The following SRSF7 variants were observed in gnomAD, a reference collection of about 807,000 sequenced individuals.
The protein encoded by SRSF7 is serine/arginine-rich splicing factor 7.
A neutral mutation model predicts 42.2 loss-of-function variants in SRSF7; 15 were observed. The observed-to-expected ratio is 0.36, with a 90% CI of 0.24 to 0.55. SRSF7 has a LOEUF of 0.55. SRSF7 is among the 20% of genes least tolerant of loss of function. The pLI is 0.88. For missense variants in SRSF7, 181 were observed against 305.9 expected (o/e 0.59, Z 3.04); for synonymous variants, 138 against 107.9 (o/e 1.28, Z -1.73).
intron 3 of SRSF7, chr2:38,749,158 T>C: frequency 7.6e-7 from 1 of 1,321,192 alleles, no homozygotes; most frequent in Non-Finnish European, 1.0e-6. Context: ...GCGATCACCG[T>C]CTCAAATTTT....
At chr2:38,751,394 G>T, upstream of SRSF7, 2 of 1,162,936 alleles carry the variant, frequency 1.7e-6, no homozygotes, top group Non-Finnish European at 2.5e-6. Context: ...TTATATATGC[G>T]GCCGCTGCGC....
In SRSF7 at chr2:38,751,288, A is replaced by C; in HGVS notation, c.-32T>G. The C allele has an allele frequency of 6.2e-7, 1 of 1,613,922 alleles. No homozygotes were observed. The highest frequency in any genetic ancestry group is 1.6e-4 in the Middle Eastern group (1 of 6,062). ...AGACCCGCGTGCTCGGCTCTTTAGC[A>C]AGCAGCGCCCAGGGCTCGAGTGACG... On this transcript the variant is annotated 5_prime_UTR_variant, in exon 1 of 8. Coordinates refer to ENST00000313117, the MANE Select transcript of SRSF7 (RefSeq NM_001031684.3).
Position 38,749,534 on chromosome 2 carries a change from T to G in SRSF7, c.381A>C (p.Arg127Ser). Residue 127 changes from arginine to serine, a missense_variant, in exon 3 of 8, where the codon AGA becomes AGC. Physicochemically the swap from Arg to Ser is moderately radical, Grantham distance 110 (BLOSUM62 -1). This residue lies in a region of SRSF7 where 136 missense variants were observed against 147.8 expected (regional missense o/e 0.92). Transcript: ENST00000313117. ...YDCHRYSRRR[R>S]SRSRSRSHSR... ...TCCTTTATTAAAATAAATACCTGCT[T>G]CTTCTTCGCCGGCTGTAACGATGAC... 7.0e-6 allele frequency: 11 copies of G among 1,565,598 alleles called. No homozygotes were observed. Among genetic ancestry groups the G allele is most frequent in the Non-Finnish European group, 9.5e-6 (11 of 1,158,946 alleles).
At chr2:38,747,464 G>A (rs974577271) in intron 5 of SRSF7, among the ~76,000 whole-genome samples, 1 of 152,000 alleles carries the variant, frequency 6.6e-6, no homozygotes, top group Non-Finnish European at 1.5e-5. Flanking sequence ...TTAATTACAT[G>A]TTGCAATACT....
At chr2:38,750,923 CG>C (rs889700665) in intron 1 of SRSF7, 332 of 362,220 alleles carry the variant, frequency 9.2e-4, no homozygotes, top group Middle Eastern at 3.4e-3. Context: ...CCGCCGAGGG[CG>C]GGGGGGGAGG....
At chr2:38,746,955 A>T in intron 5 of SRSF7, 1 of 789,348 alleles carries the variant, frequency 1.3e-6, no homozygotes, top group Non-Finnish European at 2.1e-6. Context: ...CTATCACTCA[A>T]TTGGTTAGTT....
chr2:38,748,362 TGC>T (rs1409777266), intron 4 of SRSF7, among the ~76,000 whole-genome samples: 2 of 152,052 alleles, frequency 1.3e-5, no homozygotes, highest in Non-Finnish European at 1.5e-5. Flanking sequence ...ATGGTGGCAG[TGC>T]CTACAGTCCC....
intron 3 of SRSF7, 193 bp downstream of exon 3, chr2:38,749,336 A>C (rs1468821204): frequency 6.5e-7 from 1 of 1,527,178 alleles, no homozygotes; most frequent in Non-Finnish European, 8.8e-7. Flanking sequence ...GACTGACTCA[A>C]ACGAAGAAAC....
At chr2:38,748,300 A>C in intron 4 of SRSF7, 143 bp from the exon 5 acceptor site, 1 of 694,662 alleles carries the variant, frequency 1.4e-6, no homozygotes, top group South Asian at 1.9e-5. Flanking sequence ...GCTTGAGACC[A>C]GCCTGGGAAA....
intron 4 of SRSF7, 97 bp from the exon 5 acceptor site, chr2:38,748,254 A>G: frequency 1.1e-6 from 1 of 885,890 alleles, no homozygotes; most frequent in South Asian, 1.6e-5. Flanking sequence ...CATGCCCATA[A>G]TCCCAGCACT....
intron 7 of SRSF7, 131 bp from the exon 8 acceptor site, chr2:38,745,318 A>T: frequency 1.1e-6 from 1 of 904,500 alleles, no homozygotes; most frequent in Non-Finnish European, 1.7e-6. Context: ...TAAAAATGAC[A>T]TGAAACTTAC....
At chr2:38,746,646 A>C in intron 6 of SRSF7, 48 bp downstream of exon 6, 1 of 1,605,324 alleles carries the variant, frequency 6.2e-7, no homozygotes. Flanking sequence ...AACTCTTTGG[A>C]TATTGGTGCC....
Position 38,744,032 on chromosome 2 carries a change from CATTCTAA to C in SRSF7, c.*1094_*1100del. 1.3e-5 allele frequency: 2 copies of C among 152,106 alleles called. No individual in the cohort carries two copies. The highest frequency in any genetic ancestry group is 4.8e-5 in the African/African-American group (2 of 41,394). 9.4% of individuals were successfully genotyped at this position (152,106 alleles called of 1,614,324 possible). ...AATAAAGAACCTACTGGCTATGTAA[CATTCTAA>C]GGTCTACCAGATGCTACCAAAAAAT... On this transcript the variant is annotated 3_prime_UTR_variant, in exon 8 of 8. Coordinates refer to ENST00000313117, the MANE Select transcript of SRSF7 (RefSeq NM_001031684.3).
At chr2:38,749,972 A>G (rs1668038329) in intron 2 of SRSF7, 42 bp downstream of exon 2, 1 of 1,558,430 alleles carries the variant, frequency 6.4e-7, no homozygotes, top group African/African-American at 1.4e-5. Context: ...ATCTAGCCAC[A>G]GTATATTTTA....
chr2:38,749,872 A>C (rs1420111104), intron 2 of SRSF7, 142 bp downstream of exon 2: 5 of 1,240,404 alleles, frequency 4.0e-6, no homozygotes, highest in African/African-American at 3.1e-5. Flanking sequence ...ATCTTCTTTA[A>C]CCTTCGTGTG....
At chr2:38,750,918 G>A in intron 1 of SRSF7, 1 of 380,910 alleles carries the variant, frequency 2.6e-6, no homozygotes. Flanking sequence ...AGCCGCCGCC[G>A]AGGGCGGGGG....
chr2:38,745,671 T>A (rs1057159181), intron 7 of SRSF7, among the ~76,000 whole-genome samples: 12 of 151,224 alleles, frequency 7.9e-5, no homozygotes, highest in Non-Finnish European at 1.5e-4. Context: ...AAAAAAAAAA[T>A]TAGGCTATCC....
At chr2:38,745,985 G>C (rs1016629614) in intron 7 of SRSF7, among the ~76,000 whole-genome samples, 159 bp downstream of exon 7, 5 of 150,484 alleles carry the variant, frequency 3.3e-5, no homozygotes, top group Non-Finnish European at 5.9e-5. Context: ...TAATGTTACT[G>C]AATCAAAAAA....
At position 38,751,048 on chromosome 2, in the gene SRSF7, C is replaced by T. The variant is rs1166895083; in HGVS notation, c.28+181G>A. On this transcript the variant is annotated intron_variant, in intron 1 of 7. Coordinates refer to ENST00000313117, the MANE Select transcript of SRSF7 (RefSeq NM_001031684.3). ...GAGTACGGAACTCGGCAGAGATGTA[C>T]ACCCGCCATCCCGTCTCCCTTCAGC... 1.1e-5 allele frequency: 8 copies of T among 715,734 alleles called. 1 individual carries two copies. In the South Asian group the frequency reaches 1.2e-4, roughly 10 times the overall value. The allele number at this position is 715,734 out of a possible 1,614,324, so 44.3% of individuals were successfully genotyped here. A position where few individuals can be genotyped will look rare whatever the true frequency, so the allele number is the denominator to read the frequency against.
Sources: allele counts gnomAD v4.1 joint callset (sites outside exome capture counted in the v4.1 genomes callset), GRCh38; gene constraint gnomAD v4.1.1; regional missense constraint gnomAD v4.1.1; transcripts MANE v1.5; gene names NCBI Gene and HGNC (gene_info 2026-07-23, HGNC 2026-07-21).